The following KIF15 variants were observed in gnomAD, a reference collection of about 807,000 sequenced individuals.
The protein encoded by KIF15 is kinesin-like protein KIF15.
Under a neutral mutation model 190.6 loss-of-function variants are expected in KIF15, and 140 were observed. The ratio of observed to expected loss-of-function variants is 0.73; its 90% CI spans 0.64 to 0.84. The LOEUF is 0.84. KIF15 is among the 40% of genes least tolerant of loss of function. The pLI, the probability that KIF15 is intolerant of heterozygous loss-of-function variation, is 0.00. For missense variants in KIF15, 1,372 were observed against 1,584.4 expected (o/e 0.87, Z 2.28); for synonymous variants, 528 against 551.3 (o/e 0.96, Z 0.59).
chr3:44,773,691 A>G (rs932131458), intron 1 of KIF15, among the ~76,000 whole-genome samples: 1 of 152,228 alleles, frequency 6.6e-6, no homozygotes, highest in African/African-American at 2.4e-5. Flanking sequence ...TCCGAGGACA[A>G]GAAGCCTCAG....
At chr3:44,808,611 A>ATTTT (rs1553651800) in intron 16 of KIF15, among the ~76,000 whole-genome samples, 1 of 140,612 alleles carries the variant, frequency 7.1e-6, no homozygotes, top group African/African-American at 2.7e-5. Context: ...TTTTTTTTTA[A>ATTTT]AAAAAAACGG....
intron 5 of KIF15, among the ~76,000 whole-genome samples, chr3:44,782,873 AGG>A (rs1706231457): frequency 6.6e-6 from 1 of 152,214 alleles, no homozygotes; most frequent in Non-Finnish European, 1.5e-5. Flanking sequence ...TTCCAGGATA[AGG>A]GGCTGGTAGC....
chr3:44,822,903 C>A (rs965885164), intron 20 of KIF15, among the ~76,000 whole-genome samples: 5 of 152,082 alleles, frequency 3.3e-5, no homozygotes, highest in African/African-American at 9.7e-5. Context: ...GTTAGCCATT[C>A]GTCTAATCTT....
At position 44,839,524 on chromosome 3, in the gene KIF15, C is replaced by T. The variant is rs114450866; in HGVS notation, c.3319-831C>T. Among the ~76,000 whole-genome samples the T allele has an allele frequency of 5.9e-3, 892 of 152,274 alleles. 5 individuals carry two copies. The highest frequency in any genetic ancestry group is 0.019 in the African/African-American group (810 of 41,550). The stretch of plus-strand genomic sequence containing the variant: ...AAGTTCTGAAAAAATAATGTAAATA[C>T]AGCATATTTCCATATGCCATGGGAA... On this transcript the variant is annotated intron_variant, in intron 27 of 34. Transcript: ENST00000326047.
intron 13 of KIF15, among the ~76,000 whole-genome samples, chr3:44,802,176 C>T (rs1209498201): frequency 6.6e-6 from 1 of 152,170 alleles, no homozygotes; most frequent in African/African-American, 2.4e-5. Context: ...GTTGTGGTGA[C>T]ATTGCTACAT....
At chr3:44,813,902 G>A (rs1023946052) in intron 19 of KIF15, among the ~76,000 whole-genome samples, 1 of 152,192 alleles carries the variant, frequency 6.6e-6, no homozygotes, top group Non-Finnish European at 1.5e-5. Flanking sequence ...ACAGGCGTGA[G>A]CCACTGTGCC....
intron 8 of KIF15, among the ~76,000 whole-genome samples, chr3:44,795,168 C>CA (rs1706915812): frequency 6.6e-6 from 1 of 152,060 alleles, no homozygotes; most frequent in Non-Finnish European, 1.5e-5. Context: ...GTACAAGAGA[C>CA]AACAGGGGTC....
chr3:44,789,189 T>C (rs1706551507), intron 7 of KIF15, among the ~76,000 whole-genome samples: 1 of 152,180 alleles, frequency 6.6e-6, no homozygotes, highest in African/African-American at 2.4e-5. Context: ...GCATTTCTTT[T>C]GTGATATAAG....
intron 13 of KIF15, 57 bp from the exon 14 acceptor site, chr3:44,802,757 A>G (rs1190143875): frequency 2.8e-6 from 4 of 1,450,470 alleles, no homozygotes; most frequent in Admixed American, 5.1e-5. Flanking sequence ...TAGAGGAACT[A>G]ATTCACTAAG....
At chr3:44,781,027 C>A in intron 5 of KIF15, 105 bp downstream of exon 5, 1 of 832,610 alleles carries the variant, frequency 1.2e-6, no homozygotes, top group Non-Finnish European at 1.9e-6. Context: ...ATGTTGATCT[C>A]TTGAAATTAG....
chr3:44,829,740 T>G (rs141371380), intron 24 of KIF15, among the ~76,000 whole-genome samples: 4,602 of 135,672 alleles, frequency 0.034, 243 homozygotes, highest in African/African-American at 0.11. Flanking sequence ...ATATATTATA[T>G]ATGTATATAT....
At position 44,802,836 on chromosome 3, in the gene KIF15, C is replaced by T. The variant is rs1419209941; in HGVS notation, c.1532C>T (p.Ala511Val). 3 of 1,588,450 alleles carry T rather than the reference C, an allele frequency of 1.9e-6. No individual in the cohort carries two copies. The highest frequency in any genetic ancestry group is 2.7e-5 in the African/African-American group (2 of 73,260). Residue 511 changes from alanine to valine, a missense_variant, in exon 14 of 35, where the codon GCA becomes GTA. Ala to Val is a moderately conservative substitution (Grantham distance 64). Coordinates refer to ENST00000326047, the MANE Select transcript of KIF15 (RefSeq NM_020242.3). ...CAGATAGAGCACCACCCCAGAGTTG[C>T]AAAGTATGCTATGGAAAATCATTCC... ...REQIEHHPRV[A>V]KYAMENHSLR...
In KIF15 at chr3:44,838,300, C is replaced by T. The variant is rs1698422642; in HGVS notation, c.3197C>T (p.Ala1066Val). Residue 1066 changes from alanine (A) to valine (V), a missense_variant, in exon 27 of 35, where the codon GCT (alanine) becomes GTT (valine). Physicochemically the swap from Ala to Val is moderately conservative, Grantham distance 64. Transcript: ENST00000326047. ...AGGGATATGCTCTGTGAGGACCTGG[C>T]TCATGCCACTGAGCAGCTGAACATG... The part of the protein sequence containing the change: ...IERDMLCEDL[A>V]HATEQLNMLT... 6.2e-7 allele frequency: 1 copy of T among 1,613,288 alleles called. No individual in the cohort carries two copies. The highest frequency in any genetic ancestry group is 1.3e-5 in the African/African-American group (1 of 74,848).
chr3:44,826,336 G>T (rs75499919), intron 21 of KIF15, 39 bp from the exon 22 acceptor site: 1 of 1,576,370 alleles, frequency 6.3e-7, no homozygotes, highest in Non-Finnish European at 8.7e-7. Flanking sequence ...ACTATGCATT[G>T]CTAGTAACAG....
chr3:44,768,661 A>G (rs932927541), intron 1 of KIF15, among the ~76,000 whole-genome samples: 3 of 152,176 alleles, frequency 2.0e-5, no homozygotes, highest in African/African-American at 7.2e-5. Flanking sequence ...CCCACTCTAA[A>G]GAAGTACATC....
At position 44,794,210 on chromosome 3, in the gene KIF15, T is replaced by C. The variant is rs374725774; in HGVS notation, c.640-7T>C. On this transcript the variant is annotated splice_region_variant and splice_polypyrimidine_tract_variant and intron_variant, in intron 7 of 34. Transcript: ENST00000326047. ...CATTTCTTTTAATATGTTTTCCTTT[T>C]GCATAGGTGTTGTCTGGAGGATGGA... The C allele has an allele frequency of 1.9e-6, 3 of 1,608,148 alleles. No individual in the cohort carries two copies. The African/African-American group carries it at 4.0e-5, about 22-fold the overall frequency.
chr3:44,779,789 G>A lies in KIF15; in HGVS notation c.324-1096G>A, dbSNP rs528843680. Among the ~76,000 whole-genome samples, 148 of 145,566 alleles carry A rather than the reference G, an allele frequency of 1.0e-3. No individual in the cohort carries two copies. The Middle Eastern group carries it at 0.028, about 27-fold the overall frequency. On this transcript the variant is annotated intron_variant, in intron 4 of 34. Coordinates refer to ENST00000326047, the MANE Select transcript of KIF15 (RefSeq NM_020242.3). ...GTGGAGGTTGCAGTGAGCCGAGATC[G>A]TGCCACTGCACTCCAGCCTGGGTGA...
chr3:44,777,958 T>C (rs1705974655), intron 3 of KIF15, among the ~76,000 whole-genome samples, 157 bp from the exon 4 acceptor site: 1 of 152,246 alleles, frequency 6.6e-6, no homozygotes, highest in African/African-American at 2.4e-5. Context: ...TGTAATTATG[T>C]GTAAAGTTGA....
intron 7 of KIF15, among the ~76,000 whole-genome samples, chr3:44,787,599 G>A (rs1326344420): frequency 1.3e-5 from 2 of 152,026 alleles, no homozygotes; most frequent in Admixed American, 1.3e-4. Flanking sequence ...AATTTGTGTT[G>A]GGTTTTTTAT....
Sources: gnomAD v4.1 joint callset for allele counts (sites outside exome capture counted in the v4.1 genomes callset) on GRCh38, gnomAD v4.1.1 for gene constraint, MANE v1.5 for transcripts, NCBI Gene and HGNC (gene_info 2026-07-23, HGNC 2026-07-21) for gene names.